Variants in ITPRID1 observed in about 807,000 individuals in gnomAD.
ITPRID1 encodes the protein protein ITPRID1.
A neutral mutation model predicts 95.4 loss-of-function variants in ITPRID1; 96 were observed. That is an observed-to-expected ratio of 1.01 (90% confidence interval 0.85 to 1.19). The LOEUF is 1.19. Ranked by LOEUF, ITPRID1 falls within the 50% of genes most tolerant of loss-of-function variation. The probability of loss-of-function intolerance (pLI) is 0.00; values close to 1 mark genes in which losing one functional copy is unlikely to be tolerated. For synonymous variants in ITPRID1, 510 were observed against 453.6 expected (o/e 1.12, Z -1.58); for missense variants, 1,339 against 1,252.9 (o/e 1.07, Z -1.04).
chr7:31,596,878 A>G (rs943472894), intron 10 of ITPRID1, among the ~76,000 whole-genome samples: 2 of 151,842 alleles, frequency 1.3e-5, no homozygotes, highest in Non-Finnish European at 2.9e-5. Context: ...TAAAATTTTA[A>G]CAGTTAATGA....
At chr7:31,571,033 G>T (rs200405763) in intron 6 of ITPRID1, among the ~76,000 whole-genome samples, 265 of 144,736 alleles carry the variant, frequency 1.8e-3, no homozygotes, top group Admixed American at 2.3e-3. Context: ...GTTTTTTTTT[G>T]TTTGTTTGTT....
At chr7:31,546,993 T>G (rs1242958493) in intron 1 of ITPRID1, among the ~76,000 whole-genome samples, 1 of 152,104 alleles carries the variant, frequency 6.6e-6, no homozygotes, top group East Asian at 1.9e-4. Context: ...GGAGAAAATC[T>G]TAGAGAGGCT....
intron 12 of ITPRID1, among the ~76,000 whole-genome samples, chr7:31,647,538 G>T (rs1401968846): frequency 6.6e-6 from 1 of 151,590 alleles, no homozygotes; most frequent in African/African-American, 2.4e-5. Flanking sequence ...ACTGGGTGTG[G>T]TGGTGTGTGC....
Position 31,545,980 on chromosome 7 carries a change from T to C in ITPRID1, c.-97-3446T>C, listed in dbSNP as rs1213866708. Among the ~76,000 whole-genome samples, 7 of 152,156 alleles carry C rather than the reference T, an allele frequency of 4.6e-5. 1 individual carries two copies. The highest frequency in any genetic ancestry group is 1.7e-4 in the African/African-American group (7 of 41,444). On this transcript the variant is annotated intron_variant, in intron 1 of 14. Coordinates refer to ENST00000615280, the MANE Select transcript of ITPRID1 (RefSeq NM_001257967.3). ...TTGAGTAATAGGAGTATTTTATTAT[T>C]ATTATTTTTATTATTTTGATGACTA...
intron 1 of ITPRID1, among the ~76,000 whole-genome samples, chr7:31,515,078 A>C (rs1246763348): frequency 2.0e-5 from 3 of 152,018 alleles, no homozygotes; most frequent in African/African-American, 7.2e-5. Flanking sequence ...GATAATATAT[A>C]GCTAACTCAT....
intron 14 of ITPRID1, 49 bp downstream of exon 14, chr7:31,652,099 A>G: frequency 3.9e-6 from 5 of 1,281,988 alleles, no homozygotes; most frequent in Middle Eastern, 3.7e-4. Context: ...CTACCACAGG[A>G]GAGGTGCATT....
At chr7:31,530,136 G>A (rs572039016) in intron 1 of ITPRID1, among the ~76,000 whole-genome samples, 3 of 152,106 alleles carry the variant, frequency 2.0e-5, no homozygotes, top group Non-Finnish European at 4.4e-5. Flanking sequence ...GCTCAAAATT[G>A]CTCGGTTATA....
intron 10 of ITPRID1, among the ~76,000 whole-genome samples, chr7:31,590,059 T>C (rs1249814716): frequency 6.6e-6 from 1 of 152,038 alleles, no homozygotes; most frequent in Non-Finnish European, 1.5e-5. Flanking sequence ...TGTGTATATA[T>C]ATACACACAT....
rs770236831 is a variant in ITPRID1, at chr7:31,643,979, G to A, written c.2583+26G>A. 4 of 1,573,708 alleles carry A rather than the reference G, an allele frequency of 2.5e-6. No homozygotes were observed. In the South Asian group the frequency reaches 4.7e-5, roughly 19 times the overall value. On this transcript the variant is annotated intron_variant, in intron 12 of 14. Transcript: ENST00000615280. ...GTAAGTGTTCACCCTGGCAAAGATG[G>A]AAAGGCAGATGCACCCGTGATAAAC... is the stretch of plus-strand genomic sequence containing the variant.
At chr7:31,612,610 A>ATGAC (rs1464137525) in intron 10 of ITPRID1, among the ~76,000 whole-genome samples, 3 of 152,170 alleles carry the variant, frequency 2.0e-5, no homozygotes, top group Non-Finnish European at 2.9e-5. Context: ...AGCCTAGTTA[A>ATGAC]TGACTGGACA....
At chr7:31,542,849 T>C (rs546451584) in intron 1 of ITPRID1, among the ~76,000 whole-genome samples, 1 of 152,274 alleles carries the variant, frequency 6.6e-6, no homozygotes, top group South Asian at 2.1e-4. Context: ...TTTCTAATCT[T>C]ACTGTACCAG....
chr7:31,549,192 A>G (rs1240293895), intron 1 of ITPRID1, among the ~76,000 whole-genome samples: 1 of 152,164 alleles, frequency 6.6e-6, no homozygotes, highest in Non-Finnish European at 1.5e-5. Context: ...AATTTAGTCT[A>G]TAATTGAAGG....
chr7:31,578,839 C>T (rs1215895178), intron 9 of ITPRID1, among the ~76,000 whole-genome samples: 2 of 152,288 alleles, frequency 1.3e-5, no homozygotes, highest in East Asian at 3.9e-4. Context: ...GTTCTCATTG[C>T]TTTAGCAGCG....
At chr7:31,530,803 T>C (rs1161514773) in intron 1 of ITPRID1, among the ~76,000 whole-genome samples, 3 of 144,632 alleles carry the variant, frequency 2.1e-5, no homozygotes, top group Non-Finnish European at 4.6e-5. Context: ...CAGAGTTCAT[T>C]GTTTGTTTCA....
At chr7:31,593,315 G>GACAAAA (rs1389111639) in intron 10 of ITPRID1, among the ~76,000 whole-genome samples, 1 of 151,762 alleles carries the variant, frequency 6.6e-6, no homozygotes, top group South Asian at 2.1e-4. Context: ...ACAAAACAAA[G>GACAAAA]ACAAAAACAA....
rs1312439222 is a variant in ITPRID1 at position 31,655,328 on chromosome 7, T to G, written c.*2499T>G. On this transcript the variant is annotated 3_prime_UTR_variant, in exon 15 of 15. Coordinates refer to ENST00000615280, the MANE Select transcript of ITPRID1 (RefSeq NM_001257967.3). ...AGTCAGTCAATGACCACACCAATGC[T>G]GAGTCTACTGCCACAAAATACCTCC... Among the ~76,000 whole-genome samples, 1 of 152,160 alleles carries G rather than the reference T, an allele frequency of 6.6e-6. No individual in the cohort carries two copies. The highest frequency in any genetic ancestry group is 1.9e-4 in the East Asian group (1 of 5,172).
intron 12 of ITPRID1, among the ~76,000 whole-genome samples, chr7:31,646,153 A>G (rs535953702): frequency 6.6e-6 from 1 of 152,298 alleles, no homozygotes; most frequent in Non-Finnish European, 1.5e-5. Context: ...TTAGTTGTCT[A>G]TTTTGTTAAA....
chr7:31,617,974 T>TATTG (rs1449296028), intron 10 of ITPRID1, among the ~76,000 whole-genome samples: 37 of 152,174 alleles, frequency 2.4e-4, no homozygotes, highest in Non-Finnish European at 4.3e-4. Flanking sequence ...GAAGCACACA[T>TATTG]ATTGATTGTC....
At position 31,554,453 on chromosome 7, in the gene ITPRID1, ATCTGT is replaced by A; in HGVS notation, c.164-18_164-14del. 2 of 1,610,088 alleles carry A rather than the reference ATCTGT, an allele frequency of 1.2e-6. No homozygotes were observed. Among genetic ancestry groups the A allele is most frequent in the Admixed American group, 3.4e-5 (2 of 59,642 alleles). ...TAGCTGGTTGTGCTTTGACTAACTGATCTGTTCTTTCTTACTTGTAGAAGATTCCA... is the reference window on the plus strand; with the variant it reads ...TAGCTGGTTGTGCTTTGACTAACTGATCTTTCTTACTTGTAGAAGATTCCA... On this transcript the variant is annotated splice_polypyrimidine_tract_variant and intron_variant, in intron 3 of 14. Transcript: ENST00000615280.
Sources: allele counts gnomAD v4.1 joint callset (sites outside exome capture counted in the v4.1 genomes callset), GRCh38; gene constraint gnomAD v4.1.1; transcripts MANE v1.5; gene names NCBI Gene and HGNC (gene_info 2026-07-23, HGNC 2026-07-21).